The following ZCCHC2 variants were observed in gnomAD, a reference collection of about 807,000 sequenced individuals.
ZCCHC2 encodes zinc finger CCHC-type containing 2.
Under a neutral mutation model 103.6 loss-of-function variants are expected in ZCCHC2, and 39 were observed. The ratio of observed to expected loss-of-function variants is 0.38; its 90% confidence interval spans 0.29 to 0.49. The LOEUF is 0.49. Ranked by LOEUF, ZCCHC2 falls within the 20% of genes least tolerant of loss-of-function variation. The probability of loss-of-function intolerance (pLI) is 0.96; values close to 1 mark genes in which losing one functional copy is unlikely to be tolerated. For missense variants in ZCCHC2, 1,483 were observed against 1,491.0 expected, an observed-to-expected ratio of 0.99 and a Z score of 0.09; for synonymous variants, 687 against 608.9, an observed-to-expected ratio of 1.13 and a Z score of -1.89.
intron 1 of ZCCHC2, among the ~76,000 whole-genome samples, chr18:62,536,236 C>G (rs1337131685): frequency 6.6e-6 from 1 of 152,190 alleles, no homozygotes; most frequent in African/African-American, 2.4e-5. Context: ...ACCAGTAGCT[C>G]TTGAGGCAAG....
chr18:62,558,627 T>C, intron 6 of ZCCHC2, 60 bp from the exon 7 acceptor site: 4 of 1,019,334 alleles, frequency 3.9e-6, no homozygotes, highest in Non-Finnish European at 5.5e-6. Context: ...ACAATTATTA[T>C]ATTTGTTTTC....
At chr18:62,568,916 T>C (rs2145528923) in intron 11 of ZCCHC2, among the ~76,000 whole-genome samples, 1 of 152,342 alleles carries the variant, frequency 6.6e-6, no homozygotes, top group South Asian at 2.1e-4. Context: ...TGGTGTTGAC[T>C]TGCATCCCTT....
intron 14 of ZCCHC2, among the ~76,000 whole-genome samples, chr18:62,583,822 C>G (rs1029871847): frequency 2.0e-5 from 3 of 151,960 alleles, no homozygotes; most frequent in Admixed American, 6.6e-5. Context: ...GGGAGGAGAC[C>G]AGCTGTTAAA....
rs973071245 is a variant in ZCCHC2 at position 62,577,080 on chromosome 18, C to T, written c.*501C>T. ...GGAGCAGCCAGCAGTGCATTCACCC[C>T]ACTTTTGTAAACTGCTCTGCATATA... On this transcript the variant is annotated 3_prime_UTR_variant, in exon 14 of 14. Transcript: ENST00000269499. 1 of 159,408 alleles carries T rather than the reference C, an allele frequency of 6.3e-6. No homozygotes were observed. The highest frequency in any genetic ancestry group is 2.4e-5 in the African/African-American group (1 of 41,474). 9.9% of individuals were successfully genotyped at this position (159,408 alleles called of 1,614,324 possible).
At chr18:62,566,498 TC>T (rs1916369493) in intron 11 of ZCCHC2, among the ~76,000 whole-genome samples, 1 of 152,198 alleles carries the variant, frequency 6.6e-6, no homozygotes, top group Admixed American at 6.5e-5. Context: ...CTGTCTCTGT[TC>T]CTTCTCTTTC....
intron 5 of ZCCHC2, among the ~76,000 whole-genome samples, chr18:62,550,950 C>T (rs749253297): frequency 1.3e-5 from 2 of 152,042 alleles, no homozygotes; most frequent in East Asian, 1.9e-4. Context: ...GGGAAAGATG[C>T]GCTTAGATGA....
intron 12 of ZCCHC2, among the ~76,000 whole-genome samples, chr18:62,572,688 G>A (rs1916639995): frequency 6.6e-6 from 1 of 152,198 alleles, no homozygotes; most frequent in Admixed American, 6.5e-5. Context: ...AGCATGTCTA[G>A]AGGAGTCTCA....
Position 62,523,749 on chromosome 18 carries a change from G to A in ZCCHC2, c.325G>A (p.Ala109Thr). The A allele has an allele frequency of 6.5e-7, 1 of 1,531,170 alleles. No homozygotes were observed. Among genetic ancestry groups the A allele is most frequent in the Non-Finnish European group, 8.7e-7 (1 of 1,144,984 alleles). 94.8% of individuals were successfully genotyped at this position (1,531,170 alleles called of 1,614,324 possible). The change falls in exon 1 of 14, where the codon GCG (alanine) becomes ACG (threonine). Residue 109 changes from alanine to threonine, a missense_variant. By Grantham distance (58) the Ala-to-Thr change is moderately conservative (BLOSUM62 0). This residue lies in a region of ZCCHC2 where 568 missense variants were observed against 525.1 expected (regional missense o/e 1.08). Coordinates refer to ENST00000269499, the MANE Select transcript of ZCCHC2 (RefSeq NM_017742.6). ...GTGGTTCGGGCTGGTGCTGGGCTCG[G>A]CGCAGCGCCTGGAGTTCATGTGCGG... ...YEWFGLVLGS[A>T]QRLEFMCGLL...
chr18:62,569,427 T>TG (rs2145529491), intron 11 of ZCCHC2, among the ~76,000 whole-genome samples: 1 of 152,220 alleles, frequency 6.6e-6, no homozygotes, highest in East Asian at 1.9e-4. Flanking sequence ...GAATGCTTGC[T>TG]GTAAGGCAGA....
chr18:62,576,085 T>C (rs1041967479), intron 13 of ZCCHC2, among the ~76,000 whole-genome samples: 2 of 151,212 alleles, frequency 1.3e-5, no homozygotes, highest in African/African-American at 2.4e-5. Flanking sequence ...AATAGTTCAG[T>C]ACTATTTTGA....
chr18:62,524,087 C>A lies in ZCCHC2; in HGVS notation c.663C>A (p.Arg221=). 1 of 1,513,698 alleles carries A rather than the reference C, an allele frequency of 6.6e-7. No homozygotes were observed. 93.8% of individuals were successfully genotyped at this position (1,513,698 alleles called of 1,614,324 possible). A position where few individuals can be genotyped will look rare whatever the true frequency, so the allele number is the denominator to read the frequency against. ...CGCGGGGCGGCGCGGAGGACGAGCG[C>A]GGCGAGGACGGCGACGGCGAGCAGG... is the stretch of plus-strand genomic sequence containing the variant. ...EGSRGGAEDE[R]GEDGDGEQDA... is the part of the protein sequence containing the mutation. Residue 221 remains arginine (R), a synonymous_variant, in exon 1 of 14, where the codon CGC becomes CGA. Transcript: ENST00000269499.
chr18:62,586,404 C>T (rs1011234206), exon 15 of ZCCHC2: 19 of 151,818 alleles, frequency 1.3e-4, no homozygotes, highest in African/African-American at 4.4e-4. Flanking sequence ...CTGGCTGTCC[C>T]TGGCCTTAGG....
chr18:62,524,202 C>CA lies in ZCCHC2; in HGVS notation c.778_779insA (p.Leu260HisfsTer61). On this transcript the variant is annotated frameshift_variant, in exon 1 of 14. Transcript: ENST00000269499. LOFTEE classifies it high-confidence loss of function. The stretch of plus-strand genomic sequence containing the variant: ...TGGCTCCAGGGCCCAGGAGGAACTG[C>CA]TGCTGCTCTTCACCATGGCCTCGCT... 1 of 1,549,878 alleles carries CA rather than the reference C, an allele frequency of 6.5e-7. No individual in the cohort carries two copies. The highest frequency in any genetic ancestry group is 8.7e-7 in the Non-Finnish European group (1 of 1,146,632).
chr18:62,564,303 G>T (rs1357458016), intron 9 of ZCCHC2, among the ~76,000 whole-genome samples: 1 of 152,038 alleles, frequency 6.6e-6, no homozygotes, highest in Non-Finnish European at 1.5e-5. Flanking sequence ...ACTTGATTGT[G>T]TTTCATTTTA....
At chr18:62,526,897 TG>T (rs1914438658) in intron 1 of ZCCHC2, 2 of 151,666 alleles carry the variant, frequency 1.3e-5, no homozygotes, top group African/African-American at 4.8e-5. Flanking sequence ...GGCCAGGCTT[TG>T]GGCTAGCGCC....
At chr18:62,548,595 AAAATAT>A (rs1476088948) in intron 4 of ZCCHC2, among the ~76,000 whole-genome samples, 1 of 152,218 alleles carries the variant, frequency 6.6e-6, no homozygotes, top group Non-Finnish European at 1.5e-5. Context: ...TGCTAATATC[AAAATAT>A]AAATATTGAA....
In ZCCHC2 at chr18:62,574,947, A is replaced by G; in HGVS notation, c.2866A>G (p.Thr956Ala). 6 of 1,613,820 alleles carry G rather than the reference A, an allele frequency of 3.7e-6. No homozygotes were observed. Among genetic ancestry groups the G allele is most frequent in the Non-Finnish European group, 4.2e-6 (5 of 1,179,864 alleles). Reference sequence around the variant, plus strand: ...CGCAGGTATCAGCCAGGCCCAGGCAACTGTTCCTCCTGCAGTTCCTACCCA... The same window carrying G: ...CGCAGGTATCAGCCAGGCCCAGGCAGCTGTTCCTCCTGCAGTTCCTACCCA... ...ASAGISQAQA[T>A]VPPAVPTHTP... The change falls in exon 13 of 14, where the codon ACT becomes GCT. Residue 956 changes from threonine (T) to alanine (A), a missense_variant. Around this residue, in one of 3 missense-constraint regions of ZCCHC2, gnomAD observed 884 missense variants for 907.5 expected, o/e 0.97. Transcript: ENST00000269499.
At chr18:62,528,823 A>AG (rs1914554575) in intron 1 of ZCCHC2, among the ~76,000 whole-genome samples, 1 of 152,074 alleles carries the variant, frequency 6.6e-6, no homozygotes, top group African/African-American at 2.4e-5. Context: ...GAGAAGGAAA[A>AG]GGTTGATTGT....
At chr18:62,566,493 T>C (rs1790837521) in intron 11 of ZCCHC2, among the ~76,000 whole-genome samples, 1 of 152,200 alleles carries the variant, frequency 6.6e-6, no homozygotes, top group Admixed American at 6.5e-5. Context: ...CCTCCCTGTC[T>C]CTGTTCCTTC....
Sources: gnomAD v4.1 joint callset for allele counts (sites outside exome capture counted in the v4.1 genomes callset) on GRCh38, gnomAD v4.1.1 for gene constraint, gnomAD v4.1.1 regional missense constraint, MANE v1.5 for transcripts, NCBI Gene and HGNC (gene_info 2026-07-23, HGNC 2026-07-21) for gene names.